Variants in VARS2 observed in about 807,000 individuals in gnomAD.
VARS2 encodes the protein valine--tRNA ligase, mitochondrial.
Under a neutral mutation model 154.1 loss-of-function variants are expected in VARS2, and 105 were observed. The ratio of observed to expected loss-of-function variants is 0.68; its 90% CI spans 0.58 to 0.80. VARS2 has a LOEUF of 0.80. Ranked by LOEUF, VARS2 falls within the 30% of genes least tolerant of loss-of-function variation. VARS2 has a pLI of 0.00. For synonymous variants in VARS2, 483 were observed against 539.5 expected (o/e 0.90, Z 1.45); for missense variants, 1,157 against 1,361.4 (o/e 0.85, Z 2.36).
At chr6:30,923,798 CT>C in intron 25 of VARS2, 1 of 471,934 alleles carries the variant, frequency 2.1e-6, no homozygotes. Flanking sequence ...CCTGTAGTTG[CT>C]GAGTTTGGCC....
Position 30,925,702 on chromosome 6 carries a change from G to A in VARS2, c.2944G>A (p.Val982Ile). Residue 982 changes from valine to isoleucine, a missense_variant, in exon 28 of 30, where the codon GTC becomes ATC. By Grantham distance (29) the Val-to-Ile change is conservative. Transcript: ENST00000676266. ...GGCTCCACTCAGTGACACGGCTCAA[G>A]TCTACATGGAGCTGCAGGTGACCAG... is the stretch of plus-strand genomic sequence containing the variant. Reference protein sequence around the residue: ...AQAPLSDTAQVYMELQGLVDP... With the variant: ...AQAPLSDTAQIYMELQGLVDP... 1 of 1,611,272 alleles carries A rather than the reference G, an allele frequency of 6.2e-7. No individual in the cohort carries two copies. The highest frequency in any genetic ancestry group is 8.5e-7 in the Non-Finnish European group (1 of 1,179,730).
Position 30,922,894 on chromosome 6 carries a change from G to A in VARS2, c.2107-4G>A. 1.3e-6 allele frequency: 2 copies of A among 1,599,504 alleles called. No homozygotes were observed. Among genetic ancestry groups the A allele is most frequent in the Non-Finnish European group, 1.7e-6 (2 of 1,172,058 alleles). On this transcript the variant is annotated splice_polypyrimidine_tract_variant and splice_region_variant and intron_variant, in intron 22 of 29. Coordinates refer to ENST00000676266, the MANE Select transcript of VARS2 (RefSeq NM_020442.6). The stretch of plus-strand genomic sequence containing the variant: ...TGCCACCCTTCTTCTTCCTCTGGTT[G>A]CAGAAAAAGGACTTTCCTCACGGGA...
In VARS2 at chr6:30,925,989, G is replaced by A; in HGVS notation, c.3071G>A (p.Gly1024Glu). Residue 1024 changes from glycine to glutamate, a missense_variant, in exon 29 of 30, where the codon GGG (glycine) becomes GAG (glutamate). Transcript: ENST00000676266. ...AGGACCCCATCAGAAGGGGAGGCAG[G>A]GACTCAGAGGCAACAAAAGGTAAGG... ...TARTPSEGEA[G>E]TQRQQKLSSL... 1 of 1,613,104 alleles carries A rather than the reference G, an allele frequency of 6.2e-7. No individual in the cohort carries two copies.
chr6:30,923,370 G>A lies in VARS2; in HGVS notation c.2331G>A (p.Pro777=), dbSNP rs1187001363. 12 of 1,611,038 alleles carry A rather than the reference G, an allele frequency of 7.4e-6. No individual in the cohort carries two copies. The highest frequency in any genetic ancestry group is 3.3e-5 in the Admixed American group (2 of 59,968). ...QPAEELSPSS[P]MDAWILSRLA... ...GCCTGCAGCTGTCTCCCTCCTCCCC[G>A]ATGGATGCCTGGATCCTGAGCCGCC... The change falls in exon 25 of 30, where the codon CCG becomes CCA. Residue 777 remains proline, a synonymous_variant. Coordinates refer to ENST00000676266, the MANE Select transcript of VARS2 (RefSeq NM_020442.6).
In VARS2 at chr6:30,920,488, G is replaced by A. The variant is rs1393103513; in HGVS notation, c.1397+52G>A. The stretch of plus-strand genomic sequence containing the variant: ...AGGGCTACCCCAAAAGGGAATGTAT[G>A]GAGCTTAAGGGTGACAATAGGATGG... On this transcript the variant is annotated intron_variant, in intron 14 of 29. Coordinates refer to ENST00000676266, the MANE Select transcript of VARS2 (RefSeq NM_020442.6). The surrounding 1 kb of genome is among the most constrained non-coding windows in gnomAD (Gnocchi z 4.6). The A allele has an allele frequency of 3.3e-6, 5 of 1,519,792 alleles. No homozygotes were observed. In the East Asian group the frequency reaches 9.1e-5, roughly 28 times the overall value. 94.1% of individuals were successfully genotyped at this position (1,519,792 alleles called of 1,614,324 possible).
In VARS2 at chr6:30,917,185, C is replaced by T. The variant is rs1794231746; in HGVS notation, c.834C>T (p.Asn278=). 1.2e-6 allele frequency: 2 copies of T among 1,614,180 alleles called. No homozygotes were observed. The highest frequency in any genetic ancestry group is 1.7e-6 in the Non-Finnish European group (2 of 1,180,036). Residue 278 remains asparagine (N), a synonymous_variant, in exon 9 of 30, where the codon AAC becomes AAT. Coordinates refer to ENST00000676266, the MANE Select transcript of VARS2 (RefSeq NM_020442.6). The surrounding 1 kb of genome is among the most constrained non-coding windows in gnomAD (Gnocchi z 4.4). ...GLLYRNHQLV[N]WSCALRSAIS... is the part of the protein sequence containing the mutation. ...TGTACCGGAACCATCAGCTTGTCAACTGGTCATGTGCTTTAAGATCAGCCA... is the reference window on the plus strand; with the variant it reads ...TGTACCGGAACCATCAGCTTGTCAATTGGTCATGTGCTTTAAGATCAGCCA...
chr6:30,914,929 G>T lies in VARS2; in HGVS notation c.93G>T (p.Gln31His). Residue 31 changes from glutamine (Q) to histidine (H), a missense_variant, in exon 2 of 30, where the codon CAG (glutamine) becomes CAT (histidine). By Grantham distance (24) the Gln-to-His change is conservative (BLOSUM62 0). Coordinates refer to ENST00000676266, the MANE Select transcript of VARS2 (RefSeq NM_020442.6). Reference protein sequence around the residue: ...GLPRFHSVSTQSEPHGSPISR... With the variant: ...GLPRFHSVSTHSEPHGSPISR... ...CCAGGTTTCACTCCGTTTCTACACA[G>T]TCGGAGCCCCATGGATCTCCCATCT... 6.2e-7 allele frequency: 1 copy of T among 1,613,082 alleles called. No homozygotes were observed. The highest frequency in any genetic ancestry group is 8.5e-7 in the Non-Finnish European group (1 of 1,180,050).
chr6:30,924,110 T>C (rs966742260), intron 25 of VARS2: 2 of 578,090 alleles, frequency 3.5e-6, no homozygotes, highest in Non-Finnish European at 6.1e-6. Context: ...AATGATTTTT[T>C]TCCCTAAACT....
In VARS2 at chr6:30,915,008, CTG is replaced by C. The variant is rs1238916732; in HGVS notation, c.173_174del (p.Leu58ArgfsTer3). ...GCGCCTGCGAGAGAAGCAGGCGACT[CTG>C]GAGGCTGAGATAGCAGGGGAGAGCA... ...QKRLREKQAT[L>X]EAEIAGESKS... On this transcript the variant is annotated frameshift_variant, in exon 2 of 30. Coordinates refer to ENST00000676266, the MANE Select transcript of VARS2 (RefSeq NM_020442.6). LOFTEE classifies it high-confidence loss of function. The C allele has an allele frequency of 6.2e-7, 1 of 1,613,508 alleles. No individual in the cohort carries two copies. The highest frequency in any genetic ancestry group is 8.5e-7 in the Non-Finnish European group (1 of 1,180,010).
intron 24 of VARS2, 50 bp downstream of exon 24, chr6:30,923,281 G>A (rs1395871984): frequency 3.7e-6 from 6 of 1,608,512 alleles, no homozygotes; most frequent in Non-Finnish European, 5.1e-6. Flanking sequence ...GTGTCAGAGG[G>A]CCAAGGTGGC....
intron 20 of VARS2, 104 bp from the exon 21 acceptor site, chr6:30,922,346 T>C (rs1430746725): frequency 1.3e-6 from 2 of 1,593,458 alleles, no homozygotes; most frequent in Non-Finnish European, 1.7e-6. Context: ...TGCTGATTCC[T>C]TTTTCCTAAT....
chr6:30,924,300 G>A, intron 25 of VARS2, 54 bp from the exon 26 acceptor site: 1 of 1,591,344 alleles, frequency 6.3e-7, no homozygotes, highest in Non-Finnish European at 8.6e-7. Flanking sequence ...AGTGGCTGTA[G>A]GGAGGAGGGC....
rs764512245 is a variant in VARS2, at chr6:30,920,650, AC to A, written c.1398-15del. Reference sequence around the variant, plus strand: ...ACAGGGCCGGAAGAGCAGTGGACTCACCCTGTCTCTCTTTCAGCCGTTCTGG... The same window carrying A: ...ACAGGGCCGGAAGAGCAGTGGACTCACCTGTCTCTCTTTCAGCCGTTCTGG... On this transcript the variant is annotated splice_polypyrimidine_tract_variant and intron_variant, in intron 14 of 29. Coordinates refer to ENST00000676266, the MANE Select transcript of VARS2 (RefSeq NM_020442.6). The surrounding 1 kb of genome is among the most constrained non-coding windows in gnomAD (Gnocchi z 4.6). The A allele has an allele frequency of 6.5e-7, 1 of 1,548,458 alleles. No individual in the cohort carries two copies. The highest frequency in any genetic ancestry group is 8.7e-7 in the Non-Finnish European group (1 of 1,144,450).
chr6:30,925,238 G>T, intron 26 of VARS2, 36 bp from the exon 27 acceptor site: 3 of 1,549,270 alleles, frequency 1.9e-6, no homozygotes, highest in Non-Finnish European at 2.6e-6. Flanking sequence ...TCTCCCAGGA[G>T]CCCCTTTGCC....
Position 30,915,375 on chromosome 6 carries a change from C to G in VARS2, c.304C>G (p.Pro102Ala), listed in dbSNP as rs773817248. 1 of 1,614,096 alleles carries G rather than the reference C, an allele frequency of 6.2e-7. No homozygotes were observed. The highest frequency in any genetic ancestry group is 1.3e-5 in the African/African-American group (1 of 74,920). ...EKKDVSGPLP[P>A]AYSPRYVEAA... is the part of the protein sequence containing the mutation. ...CACAGATGTCTCTGGGCCCCTGCCT[C>G]CTGCATACAGCCCCCGATATGTTGA... Residue 102 changes from proline (P) to alanine (A), a missense_variant, in exon 4 of 30, where the codon CCT becomes GCT. Pro to Ala is a conservative substitution (Grantham distance 27, BLOSUM62 -1). Coordinates refer to ENST00000676266, the MANE Select transcript of VARS2 (RefSeq NM_020442.6).
In VARS2 at chr6:30,920,826, G is replaced by C; in HGVS notation, c.1479+77G>C. On this transcript the variant is annotated intron_variant, in intron 15 of 29. Coordinates refer to ENST00000676266, the MANE Select transcript of VARS2 (RefSeq NM_020442.6). The surrounding 1 kb of genome is among the most constrained non-coding windows in gnomAD (Gnocchi z 4.6). ...GAGAATTGGAATGAAGAAATGGGAA[G>C]CAGGAGACCTCCTGCCCTGAAGACC... 1 of 1,312,796 alleles carries C rather than the reference G, an allele frequency of 7.6e-7. No individual in the cohort carries two copies. The highest frequency in any genetic ancestry group is 1.0e-6 in the Non-Finnish European group (1 of 965,838). The allele number at this position is 1,312,796 out of a possible 1,614,324, so 81.3% of individuals were successfully genotyped here.
chr6:30,917,429 G>A lies in VARS2; in HGVS notation c.873+205G>A, dbSNP rs999278899. 1.3e-5 allele frequency among the ~76,000 whole-genome samples: 2 copies of A among 152,242 alleles called. No individual in the cohort carries two copies. Among genetic ancestry groups the A allele is most frequent in the Non-Finnish European group, 1.5e-5 (1 of 68,042 alleles). On this transcript the variant is annotated intron_variant, in intron 9 of 29. Coordinates refer to ENST00000676266, the MANE Select transcript of VARS2 (RefSeq NM_020442.6). The surrounding 1 kb of genome is among the most constrained non-coding windows in gnomAD (Gnocchi z 4.4). ...TTAGAGATGATGGAATGCTTGCATC[G>A]TGGGGGTGTTGTAAAAATTAAATGA...
chr6:30,918,533 C>G (rs1794313927), intron 10 of VARS2, among the ~76,000 whole-genome samples: 1 of 152,210 alleles, frequency 6.6e-6, no homozygotes, highest in Non-Finnish European at 1.5e-5. Context: ...TCTGGGCACC[C>G]AGCAAGAATT....
intron 4 of VARS2, 71 bp from the exon 5 acceptor site, chr6:30,915,675 G>T (rs1362925222): frequency 6.3e-7 from 1 of 1,594,940 alleles, no homozygotes; most frequent in Non-Finnish European, 8.6e-7. Flanking sequence ...TTTCTGTTCT[G>T]GAGACAGTAG....
Sources: allele counts gnomAD v4.1 joint callset (sites outside exome capture counted in the v4.1 genomes callset), GRCh38; gene constraint gnomAD v4.1.1; non-coding constraint Gnocchi (gnomAD v3.1); transcripts MANE v1.5; gene names NCBI Gene and HGNC (gene_info 2026-07-23, HGNC 2026-07-21).